RESF1: variants seen among roughly 807,000 people sequenced by gnomAD.
RESF1 encodes the protein gonad expressed transcript.
In RESF1, 65 loss-of-function variants were observed where a neutral mutation model predicts 134.7. The ratio of observed to expected loss-of-function variants is 0.48; its 90% confidence interval spans 0.40 to 0.59. The LOEUF (loss-of-function observed/expected upper bound fraction) is 0.59, where lower values mean the gene tolerates loss of function less well. Among genes scored for constraint, RESF1 ranks in the 20% least tolerant of loss-of-function variants. RESF1 has a pLI of 0.00. For synonymous variants in RESF1, 762 were observed against 702.2 expected (o/e 1.09, Z -1.35); for missense variants, 2,274 against 2,002.7 (o/e 1.14, Z -2.59).
Position 31,983,593 on chromosome 12 carries a change from A to T in RESF1, c.2638A>T (p.Arg880Trp), listed in dbSNP as rs144380476. 5.9e-5 allele frequency: 95 copies of T among 1,614,080 alleles called. No individual in the cohort carries two copies. In the East Asian group the frequency reaches 2.0e-3, roughly 34 times the overall value. Residue 880 changes from arginine to tryptophan, a missense_variant, in exon 4 of 6, where the codon AGG (arginine) becomes TGG (tryptophan). Arg to Trp is a moderately radical substitution (Grantham distance 101, BLOSUM62 -3). Transcript: ENST00000312561. ...MNDQQISQES[R>W]NSTVVSSDTL... ...CGATCAGCAAATCTCACAGGAGTCA[A>T]GGAATAGTACTGTTGTGAGTAGTGA... is the stretch of plus-strand genomic sequence containing the variant.
At chr12:31,988,596 G>T (rs753878722) in intron 5 of RESF1, among the ~76,000 whole-genome samples, 3 of 152,132 alleles carry the variant, frequency 2.0e-5, no homozygotes, top group Admixed American at 6.6e-5. Context: ...AATACCCAGG[G>T]ATGACTGTAT....
rs1200345673 is a variant in RESF1 at position 31,982,933 on chromosome 12, A to G, written c.1978A>G (p.Met660Val). The G allele has an allele frequency of 5.6e-6, 9 of 1,613,990 alleles. No individual in the cohort carries two copies. Among genetic ancestry groups the G allele is most frequent in the African/African-American group, 1.3e-5 (1 of 74,942 alleles). Residue 660 changes from methionine to valine, a missense_variant, in exon 4 of 6, where the codon ATG (methionine) becomes GTG (valine). Met to Val is a conservative substitution (Grantham distance 21). Transcript: ENST00000312561. ...TGGACAAGAATCCTCAACAAAAGGAATGCCTGCTAAAAGTGACAGTAGCTG... is the reference window on the plus strand; with the variant it reads ...TGGACAAGAATCCTCAACAAAAGGAGTGCCTGCTAAAAGTGACAGTAGCTG... The part of the protein sequence containing the change: ...CSGQESSTKG[M>V]PAKSDSSCSM...
At chr12:31,970,155 C>T (rs1222259164) in intron 2 of RESF1, 34 bp from the exon 3 acceptor site, 2 of 152,170 alleles carry the variant, frequency 1.3e-5, no homozygotes, top group Non-Finnish European at 2.9e-5. Context: ...ATATGAAAGT[C>T]CACATCCATA....
Position 31,983,488 on chromosome 12 carries a change from A to T in RESF1, c.2533A>T (p.Asn845Tyr), listed in dbSNP as rs1004425105. The T allele has an allele frequency of 6.2e-7, 1 of 1,613,960 alleles. No homozygotes were observed. The highest frequency in any genetic ancestry group is 8.5e-7 in the Non-Finnish European group (1 of 1,180,016). ...TQKEKQNEST[N>Y]GNSEVTPNVN... The stretch of plus-strand genomic sequence containing the variant: ...GAAGGAAAAGCAGAATGAGTCAACT[A>T]ATGGTAATTCAGAAGTCACACCTAA... The change falls in exon 4 of 6, where the codon AAT becomes TAT. Residue 845 changes from asparagine (N) to tyrosine (Y), a missense_variant. Coordinates refer to ENST00000312561, the MANE Select transcript of RESF1 (RefSeq NM_018169.4).
Position 31,985,038 on chromosome 12 carries a change from G to A in RESF1, c.4083G>A (p.Lys1361=). The A allele has an allele frequency of 1.3e-6, 2 of 1,585,254 alleles. No individual in the cohort carries two copies. The highest frequency in any genetic ancestry group is 8.5e-7 in the Non-Finnish European group (1 of 1,172,182). The part of the protein sequence containing the change: ...SSLGQSLSPE[K]IKLKLKSVSF... ...TGGGACAGTCATTATCACCAGAAAA[G>A]ATAAAATTGAAACTCAAATCAGTTA... The change falls in exon 4 of 6, where the codon AAG becomes AAA. Residue 1361 remains lysine (K), a synonymous_variant. Transcript: ENST00000312561.
intron 3 of RESF1, among the ~76,000 whole-genome samples, chr12:31,973,876 T>C (rs1052805358): frequency 7.9e-5 from 12 of 152,170 alleles, no homozygotes; most frequent in Non-Finnish European, 1.5e-5. Context: ...CTGGGTGTCC[T>C]ACAATTCAAT....
chr12:31,987,209 C>A, intron 4 of RESF1, 30 bp from the exon 5 acceptor site: 1 of 1,225,910 alleles, frequency 8.2e-7, no homozygotes. Context: ...TTAGCAATAT[C>A]TAGAGTTCTG....
chr12:31,971,450 A>G (rs761276961), intron 3 of RESF1, among the ~76,000 whole-genome samples: 1 of 151,984 alleles, frequency 6.6e-6, no homozygotes, highest in Non-Finnish European at 1.5e-5. Context: ...CCTGCATTCC[A>G]GCTTTCTTGT....
rs200924789 is a variant in RESF1 at position 31,982,155 on chromosome 12, A to C, written c.1200A>C (p.Leu400Phe). 25 of 1,613,114 alleles carry C rather than the reference A, an allele frequency of 1.5e-5. No homozygotes were observed. Among genetic ancestry groups the C allele is most frequent in the Non-Finnish European group, 2.1e-5 (25 of 1,179,702 alleles). ...AGCTAGTAAGGGATATTAAAACATT[A>C]GTAGAGATAAAACAGAAGTTTTCAG... is the stretch of plus-strand genomic sequence containing the variant. ...KEKLVRDIKT[L>F]VEIKQKFSEL... The change falls in exon 4 of 6, where the codon TTA becomes TTC. Residue 400 changes from leucine (L) to phenylalanine (F), a missense_variant. Coordinates refer to ENST00000312561, the MANE Select transcript of RESF1 (RefSeq NM_018169.4).
At chr12:31,959,866 T>G (rs1939215869) in intron 1 of RESF1, 2 of 152,282 alleles carry the variant, frequency 1.3e-5, no homozygotes, top group Admixed American at 1.3e-4. Flanking sequence ...CTAGGACGCA[T>G]TTTGTCGAAC....
chr12:31,965,907 A>AAG (rs1939388885), intron 2 of RESF1, among the ~76,000 whole-genome samples: 2 of 151,324 alleles, frequency 1.3e-5, no homozygotes, highest in South Asian at 4.2e-4. Flanking sequence ...AAAAAAAAAA[A>AAG]GAAGTGATAC....
At position 31,979,248 on chromosome 12, in the gene RESF1, G is replaced by A. The variant is rs1260796948; in HGVS notation, c.-78-1630G>A. On this transcript the variant is annotated intron_variant, in intron 3 of 5. Coordinates refer to ENST00000312561, the MANE Select transcript of RESF1 (RefSeq NM_018169.4). ...CAGTACTTCTGACACCAGATGTGTG[G>A]GAATTTTTTCCCAACTGACCAATTC... Among the ~76,000 whole-genome samples, 7 of 152,112 alleles carry A rather than the reference G, an allele frequency of 4.6e-5. No homozygotes were observed. In the East Asian group the frequency reaches 1.3e-3, roughly 29 times the overall value.
intron 1 of RESF1, among the ~76,000 whole-genome samples, chr12:31,960,146 C>G (rs1565835245): frequency 6.6e-6 from 1 of 152,090 alleles, no homozygotes; most frequent in Non-Finnish European, 1.5e-5. Context: ...TGCACAAACG[C>G]ATACCCATCT....
intron 5 of RESF1, among the ~76,000 whole-genome samples, chr12:31,990,436 CTTA>C (rs1303042586): frequency 4.0e-5 from 6 of 151,638 alleles, no homozygotes; most frequent in Non-Finnish European, 7.4e-5. Context: ...TTTTTATTTA[CTTA>C]TTTTTATTTA....
At chr12:31,959,886 C>CGGCTGGTGA (rs1565835089) in intron 1 of RESF1, 1 of 152,052 alleles carries the variant, frequency 6.6e-6, no homozygotes, top group Non-Finnish European at 1.5e-5. Flanking sequence ...CTGCGAGGCG[C>CGGCTGGTGA]GGCTGGTGAG....
At position 31,980,916 on chromosome 12, in the gene RESF1, T is replaced by G. The variant is rs371504519; in HGVS notation, c.-40T>G. ...AGACAACTGACTTGTAACTGACTTA[T>G]AACTGACTTGTAATACACTGCTACT... On this transcript the variant is annotated 5_prime_UTR_variant, in exon 4 of 6. Transcript: ENST00000312561. 1 of 1,435,860 alleles carries G rather than the reference T, an allele frequency of 7.0e-7. No individual in the cohort carries two copies. The highest frequency in any genetic ancestry group is 1.3e-5 in the South Asian group (1 of 74,556). 88.9% of individuals were successfully genotyped at this position (1,435,860 alleles called of 1,614,324 possible).
Position 31,983,043 on chromosome 12 carries a change from C to G in RESF1, c.2088C>G (p.Leu696=), listed in dbSNP as rs371458909. 8.7e-6 allele frequency: 14 copies of G among 1,613,866 alleles called. No individual in the cohort carries two copies. The highest frequency in any genetic ancestry group is 1.2e-5 in the Non-Finnish European group (14 of 1,179,996). ...CAAAAGAAAAGGAGTGTGATAAACT[C>G]AGAACAAACACAACAGCAGTTGGAA... is the stretch of plus-strand genomic sequence containing the variant. ...DTAKEKECDK[L]RTNTTAVGIS... Residue 696 remains leucine (L), a synonymous_variant, in exon 4 of 6, where the codon CTC becomes CTG. Coordinates refer to ENST00000312561, the MANE Select transcript of RESF1 (RefSeq NM_018169.4).
chr12:31,968,792 C>G (rs986394056), intron 2 of RESF1, among the ~76,000 whole-genome samples: 2 of 152,174 alleles, frequency 1.3e-5, no homozygotes, highest in African/African-American at 2.4e-5. Flanking sequence ...TTTGTTTATT[C>G]AGCAAATACT....
chr12:31,963,206 G>A (rs1177534348), intron 2 of RESF1, among the ~76,000 whole-genome samples: 7 of 152,164 alleles, frequency 4.6e-5, no homozygotes, highest in Non-Finnish European at 7.4e-5. Context: ...TTAGCCAGGT[G>A]TGGTGGCATG....
Sources: allele counts gnomAD v4.1 joint callset (sites outside exome capture counted in the v4.1 genomes callset), GRCh38; gene constraint gnomAD v4.1.1; transcripts MANE v1.5; gene names NCBI Gene and HGNC (gene_info 2026-07-23, HGNC 2026-07-21).